ITIH2: variants seen among roughly 807,000 people sequenced by gnomAD.
The protein encoded by ITIH2 is inter-alpha-trypsin inhibitor heavy chain 2, also known as inter-alpha-trypsin inhibitor heavy chain H2.
Under a neutral mutation model 104.4 loss-of-function variants are expected in ITIH2, and 103 were observed. That is an observed-to-expected ratio of 0.99 (90% CI 0.84 to 1.16). ITIH2 has a LOEUF of 1.16. ITIH2 is among the 50% of genes most tolerant of loss of function. The pLI, the probability that ITIH2 is intolerant of heterozygous loss-of-function variation, is 0.00. For synonymous variants in ITIH2, 436 were observed against 435.4 expected, an observed-to-expected ratio of 1.00 and a Z score of -0.02; for missense variants, 1,108 against 1,162.4, an observed-to-expected ratio of 0.95 and a Z score of 0.68.
At position 7,731,993 on chromosome 10, in the gene ITIH2, T is replaced by C; in HGVS notation, c.1644T>C (p.Thr548=). Residue 548 remains threonine, a synonymous_variant, in exon 13 of 21, where the codon ACT becomes ACC. Coordinates refer to ENST00000358415, the MANE Select transcript of ITIH2 (RefSeq NM_002216.3). The part of the protein sequence containing the change: ...LDQIESVITA[T]SANTQLVLET... The stretch of plus-strand genomic sequence containing the variant: ...AAATAGAGAGCGTTATCACGGCGAC[T>C]TCGGTACTTCCACTTATCCATTTAT... 1 of 1,611,776 alleles carries C rather than the reference T, an allele frequency of 6.2e-7. No individual in the cohort carries two copies. Among genetic ancestry groups the C allele is most frequent in the South Asian group, 1.1e-5 (1 of 90,908 alleles).
chr10:7,744,740 T>A, intron 18 of ITIH2, 51 bp from the exon 19 acceptor site: 1 of 1,513,910 alleles, frequency 6.6e-7, no homozygotes, highest in Non-Finnish European at 9.0e-7. Flanking sequence ...AATGACTTTC[T>A]CAAAAGGTCT....
intron 11 of ITIH2, 48 bp from the exon 12 acceptor site, chr10:7,729,904 A>G (rs1834985208): frequency 1.4e-6 from 2 of 1,408,736 alleles, no homozygotes; most frequent in East Asian, 4.7e-5. Context: ...CAGAAAATTT[A>G]TGATATTGCT....
intron 16 of ITIH2, 80 bp downstream of exon 16, chr10:7,738,838 T>C: frequency 2.1e-6 from 3 of 1,424,290 alleles, no homozygotes; most frequent in African/African-American, 2.9e-5. Context: ...TGAGGCCAGG[T>C]GCAGCGGCTC....
At chr10:7,727,629 G>A in intron 10 of ITIH2, 74 bp from the exon 11 acceptor site, 3 of 1,546,540 alleles carry the variant, frequency 1.9e-6, no homozygotes, top group East Asian at 4.5e-5. Flanking sequence ...CGACATATGA[G>A]TCTGAATCCA....
chr10:7,717,576 G>C lies in ITIH2; in HGVS notation c.468-50G>C, dbSNP rs144512855. On this transcript the variant is annotated intron_variant, in intron 5 of 20. Coordinates refer to ENST00000358415, the MANE Select transcript of ITIH2 (RefSeq NM_002216.3). Reference sequence around the variant, plus strand: ...GCCCTCTGCCTAGATTCTGGGTCTTGCTGCTCAATCATGTATCTGTTGACT... The same window carrying C: ...GCCCTCTGCCTAGATTCTGGGTCTTCCTGCTCAATCATGTATCTGTTGACT... 6.1e-3 allele frequency: 9,499 copies of C among 1,569,894 alleles called. 60 individuals carry two copies. The highest frequency in any genetic ancestry group is 9.1e-3 in the South Asian group (810 of 89,186).
chr10:7,708,448 A>C (rs1245872070), intron 3 of ITIH2, among the ~76,000 whole-genome samples: 1 of 152,166 alleles, frequency 6.6e-6, no homozygotes, highest in Admixed American at 6.5e-5. Context: ...TCTTGCTTAC[A>C]CCCGTCACTG....
chr10:7,712,159 G>T (rs1834801969), intron 4 of ITIH2, among the ~76,000 whole-genome samples: 1 of 152,078 alleles, frequency 6.6e-6, no homozygotes, highest in Admixed American at 6.6e-5. Context: ...CCATAAAATG[G>T]GTAGATTATA....
intron 15 of ITIH2, among the ~76,000 whole-genome samples, chr10:7,737,682 T>G (rs1251408927): frequency 0.04 from 1,059 of 26,222 alleles, 156 homozygotes; most frequent in Non-Finnish European, 0.059. Flanking sequence ...CTATATTTTC[T>G]ATATTATATT....
rs140276099 is a variant in ITIH2, at chr10:7,705,539, C to T, written c.159+357C>T. ...TGGGTAACATAGTGAGGCTCTACCT[C>T]TGCCACCCAGCTAATATATATATTA... On this transcript the variant is annotated intron_variant, in intron 2 of 20. Coordinates refer to ENST00000358415, the MANE Select transcript of ITIH2 (RefSeq NM_002216.3). Among the ~76,000 whole-genome samples, 5 of 151,944 alleles carry T rather than the reference C, an allele frequency of 3.3e-5. No homozygotes were observed. In the East Asian group the frequency reaches 9.7e-4, roughly 29 times the overall value.
chr10:7,744,717 T>C lies in ITIH2; in HGVS notation c.2409-74T>C, dbSNP rs1835159059. On this transcript the variant is annotated intron_variant, in intron 18 of 20. Transcript: ENST00000358415. Reference sequence around the variant, plus strand: ...TCTGGGAGGAGTGAAGAGTTCATATTAGGGGTGAGAAGAATGACTTTCTCA... The same window carrying C: ...TCTGGGAGGAGTGAAGAGTTCATATCAGGGGTGAGAAGAATGACTTTCTCA... 7.1e-6 allele frequency: 9 copies of C among 1,269,932 alleles called. No homozygotes were observed. In the Admixed American group the frequency reaches 2.0e-4, roughly 29 times the overall value. The allele number at this position is 1,269,932 out of a possible 1,614,324, so 78.7% of individuals were successfully genotyped here. A position where few individuals can be genotyped will look rare whatever the true frequency, so the allele number is the denominator to read the frequency against.
Position 7,732,443 on chromosome 10 carries a change from G to A in ITIH2, c.1753G>A (p.Ala585Thr). 3 of 1,613,978 alleles carry A rather than the reference G, an allele frequency of 1.9e-6. No homozygotes were observed. Among genetic ancestry groups the A allele is most frequent in the Non-Finnish European group, 2.5e-6 (3 of 1,179,952 alleles). The change falls in exon 14 of 21, where the codon GCC becomes ACC. Residue 585 changes from alanine to threonine, a missense_variant. By Grantham distance (58) the Ala-to-Thr change is moderately conservative. Transcript: ENST00000358415. ...TCCCGATTTCACCAGGAAACTGTGGGCCTATCTAACCATCAACCAACTGCT... is the reference window on the plus strand; with the variant it reads ...TCCCGATTTCACCAGGAAACTGTGGACCTATCTAACCATCAACCAACTGCT... ...ADPDFTRKLW[A>T]YLTINQLLAE...
Position 7,744,826 on chromosome 10 carries a change from CT to C in ITIH2, c.2445del (p.Ile816SerfsTer44), listed in dbSNP as rs757061073. 2.5e-6 allele frequency: 4 copies of C among 1,613,574 alleles called. No homozygotes were observed. Among genetic ancestry groups the C allele is most frequent in the Non-Finnish European group, 3.4e-6 (4 of 1,179,880 alleles). On this transcript the variant is annotated frameshift_variant, in exon 19 of 21. Coordinates refer to ENST00000358415, the MANE Select transcript of ITIH2 (RefSeq NM_002216.3). LOFTEE classifies it high-confidence loss of function. The stretch of plus-strand genomic sequence containing the variant: ...TCAGTGAAGAAAGAAAAAGTGGTAA[CT>C]ATCACCCTGGATAAAGAGATGTCCT... ...QISVKKEKVV[T>X]ITLDKEMSFS...
chr10:7,743,266 TAAAA>T lies in ITIH2; in HGVS notation c.2209+9_2209+12del. On this transcript the variant is annotated splice_region_variant and intron_variant, in intron 17 of 20. Transcript: ENST00000358415. Reference sequence around the variant, plus strand: ...GTTTCTGACCCAGAATCAGGTAAAATAAAAATAAATTATATTTGCACCAATTAGG... The same window carrying T: ...GTTTCTGACCCAGAATCAGGTAAAATATAAATTATATTTGCACCAATTAGG... 1 of 1,408,702 alleles carries T rather than the reference TAAAA, an allele frequency of 7.1e-7. No individual in the cohort carries two copies. The highest frequency in any genetic ancestry group is 1.3e-5 in the South Asian group (1 of 79,886). 87.3% of individuals were successfully genotyped at this position (1,408,702 alleles called of 1,614,324 possible). A position where few individuals can be genotyped will look rare whatever the true frequency, so the allele number is the denominator to read the frequency against.
rs144713735 is a variant in ITIH2, at chr10:7,721,703, C to T, written c.793C>T (p.Arg265Trp). The change falls in exon 8 of 21, where the codon CGG becomes TGG. Residue 265 changes from arginine to tryptophan, a missense_variant. Arg to Trp is a moderately radical substitution (Grantham distance 101). Coordinates refer to ENST00000358415, the MANE Select transcript of ITIH2 (RefSeq NM_002216.3). Reference protein sequence around the residue: ...VAQQRICPNCRETAVDGELVV... With the variant: ...VAQQRICPNCWETAVDGELVV... ...ACAGCAGAGAATATGCCCTAACTGC[C>T]GGGAGACTGCGGTAGATGGGGAACT... 6.8e-6 allele frequency: 11 copies of T among 1,613,634 alleles called. No individual in the cohort carries two copies. The highest frequency in any genetic ancestry group is 1.1e-5 in the South Asian group (1 of 91,078).
At chr10:7,745,839 C>T (rs943384142) in intron 19 of ITIH2, among the ~76,000 whole-genome samples, 2 of 151,360 alleles carry the variant, frequency 1.3e-5, no homozygotes, top group African/African-American at 4.8e-5. Context: ...ACCGCAACCG[C>T]TGCCTCCCCG....
chr10:7,718,223 G>A (rs1180880881), intron 6 of ITIH2, among the ~76,000 whole-genome samples: 2 of 151,958 alleles, frequency 1.3e-5, no homozygotes, highest in African/African-American at 4.8e-5. Flanking sequence ...CTTCTTCCAC[G>A]GTCGCATCCT....
At chr10:7,722,279 G>A (rs971671617) in intron 8 of ITIH2, among the ~76,000 whole-genome samples, 1 of 151,328 alleles carries the variant, frequency 6.6e-6, no homozygotes, top group East Asian at 1.9e-4. Flanking sequence ...TAGAACGTAC[G>A]CAAACTCCAA....
rs1052321397 is a variant in ITIH2 at position 7,729,964 on chromosome 10, T to G, written c.1292T>G (p.Leu431Arg). 13 of 1,600,062 alleles carry G rather than the reference T, an allele frequency of 8.1e-6. No homozygotes were observed. The highest frequency in any genetic ancestry group is 1.1e-5 in the Non-Finnish European group (13 of 1,174,836). The change falls in exon 12 of 21, where the codon CTG becomes CGG. Residue 431 changes from leucine (L) to arginine (R), a missense_variant. Transcript: ENST00000358415. ...TCACCAACTTTAGGCGAACTAAAAC[T>G]GTCAAAAATTCAGAAAAACGTTAAG... is the stretch of plus-strand genomic sequence containing the variant. ...DGDPTVGELK[L>R]SKIQKNVKEN...
intron 5 of ITIH2, among the ~76,000 whole-genome samples, chr10:7,714,839 A>G (rs2130941972): frequency 6.6e-6 from 1 of 152,298 alleles, no homozygotes; most frequent in Non-Finnish European, 1.5e-5. Flanking sequence ...AGCTGAGCCC[A>G]AGTAGATTAC....
Sources: gnomAD v4.1 joint callset for allele counts (sites outside exome capture counted in the v4.1 genomes callset) on GRCh38, gnomAD v4.1.1 for gene constraint, MANE v1.5 for transcripts, NCBI Gene and HGNC (gene_info 2026-07-23, HGNC 2026-07-21) for gene names.